The following GRIP1 variants were observed in gnomAD, a reference collection of about 807,000 sequenced individuals.
GRIP1 encodes the protein glutamate receptor interacting protein 1.
GRIP1 carries 45 observed loss-of-function variants against 129.9 expected under a neutral mutation model. That is an observed-to-expected ratio of 0.35 (90% CI 0.27 to 0.44). The LOEUF is 0.44. Ranked by LOEUF, GRIP1 falls within the 20% of genes least tolerant of loss-of-function variation. GRIP1 has a pLI of 1.00. For synonymous variants in GRIP1, 530 were observed against 520.8 expected (o/e 1.02, Z -0.24); for missense variants, 1,196 against 1,396.8 (o/e 0.86, Z 2.29).
chr12:66,746,718 T>C (rs2036958672), intron 1 of GRIP1, among the ~76,000 whole-genome samples: 2 of 152,214 alleles, frequency 1.3e-5, no homozygotes, highest in Admixed American at 6.5e-5. Context: ...GAAAAGAATA[T>C]GATTATCTCA....
At chr12:66,834,750 T>A (rs897704607) in intron 1 of GRIP1, among the ~76,000 whole-genome samples, 6 of 151,904 alleles carry the variant, frequency 3.9e-5, no homozygotes, top group African/African-American at 1.2e-4. Context: ...ACCAAAGGCA[T>A]GATCCATAAA....
chr12:66,651,985 T>C (rs1565942680), intron 1 of GRIP1, among the ~76,000 whole-genome samples: 1 of 152,170 alleles, frequency 6.6e-6, no homozygotes, highest in African/African-American at 2.4e-5. Context: ...ATTTAAATAC[T>C]ATGAAGCAAA....
chr12:67,008,673 T>C (rs981476481), intron 1 of GRIP1, among the ~76,000 whole-genome samples: 32 of 152,102 alleles, frequency 2.1e-4, no homozygotes, highest in African/African-American at 7.7e-4. Flanking sequence ...AAAACTGAAA[T>C]GATAATGCCT....
At chr12:66,515,108 T>C (rs1396970522) in intron 7 of GRIP1, among the ~76,000 whole-genome samples, 1 of 152,134 alleles carries the variant, frequency 6.6e-6, no homozygotes, top group Admixed American at 6.6e-5. Context: ...GCACTCAAGT[T>C]TTTATTTTAA....
chr12:66,786,584 C>A (rs1382198520), intron 1 of GRIP1, among the ~76,000 whole-genome samples: 2 of 152,198 alleles, frequency 1.3e-5, no homozygotes, highest in African/African-American at 2.4e-5. Context: ...CAGTGCTTTA[C>A]CCAGTATCTA....
At chr12:66,414,410 G>T (rs1041420711) in intron 15 of GRIP1, among the ~76,000 whole-genome samples, 2 of 152,208 alleles carry the variant, frequency 1.3e-5, no homozygotes, top group South Asian at 4.2e-4. Flanking sequence ...CCTCTTCATG[G>T]AGAACTACAA....
At position 66,377,062 on chromosome 12, in the gene GRIP1, C is replaced by T; in HGVS notation, c.2734-1G>A. The T allele has an allele frequency of 6.2e-7, 1 of 1,611,734 alleles. No homozygotes were observed. The highest frequency in any genetic ancestry group is 8.5e-7 in the Non-Finnish European group (1 of 1,177,810). ...AAGACACACGCCTGTCAGCTTTCTC[C>T]TGTGGAAAGGGTTAAAGCTTTTAAA... On this transcript the variant is annotated splice_acceptor_variant, in intron 21 of 24. Coordinates refer to ENST00000359742, the MANE Select transcript of GRIP1 (RefSeq NM_001366722.1). LOFTEE classifies it high-confidence loss of function.
intron 1 of GRIP1, among the ~76,000 whole-genome samples, chr12:66,747,529 A>C (rs890537322): frequency 6.6e-6 from 1 of 152,192 alleles, no homozygotes; most frequent in Non-Finnish European, 1.5e-5. Flanking sequence ...GCTTAAGAGA[A>C]AAATAAAATG....
At chr12:66,556,495 T>A (rs933696445) in intron 2 of GRIP1, among the ~76,000 whole-genome samples, 1 of 151,944 alleles carries the variant, frequency 6.6e-6, no homozygotes, top group African/African-American at 2.4e-5. Context: ...AGTTACAAAA[T>A]TCACTGGTAA....
At chr12:66,517,006 C>A (rs2060864494) in intron 6 of GRIP1, among the ~76,000 whole-genome samples, 2 of 152,094 alleles carry the variant, frequency 1.3e-5, no homozygotes, top group Admixed American at 1.3e-4. Flanking sequence ...ATAATGTCCA[C>A]CAAGCCCTCA....
intron 1 of GRIP1, among the ~76,000 whole-genome samples, chr12:67,054,963 T>C (rs1376370272): frequency 6.6e-6 from 1 of 152,144 alleles, no homozygotes; most frequent in Admixed American, 6.5e-5. Flanking sequence ...ACTAGTCAAG[T>C]AATACGTGAT....
chr12:66,942,311 G>A (rs572340024), intron 1 of GRIP1, among the ~76,000 whole-genome samples: 1 of 151,558 alleles, frequency 6.6e-6, no homozygotes, highest in Admixed American at 6.6e-5. Flanking sequence ...TGGCTGCCCA[G>A]TGTCTTCACT....
At chr12:66,942,172 A>G (rs1177019093) in intron 1 of GRIP1, among the ~76,000 whole-genome samples, 1 of 152,240 alleles carries the variant, frequency 6.6e-6, no homozygotes, top group African/African-American at 2.4e-5. Flanking sequence ...ATCAAGGTTG[A>G]GGAATTTATG....
chr12:66,691,684 C>A (rs888141327), intron 1 of GRIP1, among the ~76,000 whole-genome samples: 16 of 152,124 alleles, frequency 1.1e-4, no homozygotes, highest in African/African-American at 3.4e-4. Context: ...TCTAAAGCTA[C>A]CTTTCTTTTG....
At chr12:67,021,260 T>C (rs1338062058) in intron 1 of GRIP1, among the ~76,000 whole-genome samples, 9 of 152,114 alleles carry the variant, frequency 5.9e-5, no homozygotes, top group Non-Finnish European at 1.2e-4. Flanking sequence ...TGTTGGTCTC[T>C]TTTCTCCCAC....
chr12:66,468,970 C>T (rs922958954), intron 7 of GRIP1, among the ~76,000 whole-genome samples: 2 of 152,110 alleles, frequency 1.3e-5, no homozygotes, highest in African/African-American at 4.8e-5. Flanking sequence ...GAAAAAACAA[C>T]AGGTGTAATA....
At chr12:66,598,657 G>A (rs1251624959) in intron 1 of GRIP1, among the ~76,000 whole-genome samples, 2 of 152,100 alleles carry the variant, frequency 1.3e-5, no homozygotes, top group African/African-American at 2.4e-5. Context: ...TAAAACAGAC[G>A]TACTATGTAT....
rs146543001 is a variant in GRIP1, at chr12:66,774,685, GAATGGA to G, written c.-420+29362_-420+29367del. Reference sequence around the variant, plus strand: ...AAAGAAATGCAACCATAGGCTACACGAATGGAAATATCATTCCAGTAAGATAGAGTG... The same window carrying G: ...AAAGAAATGCAACCATAGGCTACACGAATATCATTCCAGTAAGATAGAGTG... On this transcript the variant is annotated intron_variant, in intron 1 of 4. Transcript: ENST00000538373. 5.0e-3 allele frequency among the ~76,000 whole-genome samples: 758 copies of G among 152,220 alleles called. 5 individuals carry two copies. The highest frequency in any genetic ancestry group is 0.017 in the African/African-American group (709 of 41,542).
intron 1 of GRIP1, among the ~76,000 whole-genome samples, chr12:66,719,299 A>G (rs1043881203): frequency 1.3e-5 from 2 of 152,180 alleles, no homozygotes; most frequent in African/African-American, 4.8e-5. Context: ...ATTTTGCACA[A>G]TGTGAAAAGA....
Sources: gnomAD v4.1 joint callset for allele counts (sites outside exome capture counted in the v4.1 genomes callset) on GRCh38, gnomAD v4.1.1 for gene constraint, MANE v1.5 for transcripts, NCBI Gene and HGNC (gene_info 2026-07-23, HGNC 2026-07-21) for gene names.